Variants in DCC observed in about 807,000 individuals in gnomAD.
DCC encodes DCC netrin 1 receptor.
DCC carries 58 observed loss-of-function variants against 172.5 expected under a neutral mutation model. The ratio of observed to expected loss-of-function variants is 0.34; its 90% CI spans 0.27 to 0.42. DCC has a LOEUF of 0.42. Among genes scored for constraint, DCC ranks in the 10% least tolerant of loss-of-function variants. The pLI, the probability that DCC is intolerant of heterozygous loss-of-function variation, is 1.00. For missense variants in DCC, 1,740 were observed against 1,791.0 expected (o/e 0.97, Z 0.51); for synonymous variants, 709 against 644.5 (o/e 1.10, Z -1.52).
chr18:52,663,002 G>A (rs920351411), intron 1 of DCC, among the ~76,000 whole-genome samples: 21 of 152,072 alleles, frequency 1.4e-4, no homozygotes, highest in African/African-American at 4.8e-4. Context: ...ATGAATGTTA[G>A]GGGAAAACAA....
rs1395705398 is a variant in DCC at position 53,223,246 on chromosome 18, AATGTT to A, written c.1911+7652_1911+7656del. 3.3e-5 allele frequency among the ~76,000 whole-genome samples: 5 copies of A among 152,054 alleles called. 1 individual carries two copies. The highest frequency in any genetic ancestry group is 5.9e-5 in the Non-Finnish European group (4 of 68,006). The stretch of plus-strand genomic sequence containing the variant: ...CATCATTTTTCTGTTGTGTTTTGAG[AATGTT>A]ATATTTTTGTCTTTTCCAATTTATT... On this transcript the variant is annotated intron_variant, in intron 12 of 28. Transcript: ENST00000442544.
At chr18:53,018,592 T>A (rs944403642) in intron 5 of DCC, among the ~76,000 whole-genome samples, 1 of 152,198 alleles carries the variant, frequency 6.6e-6, no homozygotes, top group African/African-American at 2.4e-5. Flanking sequence ...TATCAAAGCA[T>A]GCAATTCATT....
intron 3 of DCC, among the ~76,000 whole-genome samples, chr18:52,913,819 A>AGGG (rs1332350726): frequency 1.3e-5 from 2 of 152,048 alleles, no homozygotes; most frequent in Admixed American, 6.6e-5. Context: ...AACCTCCCTG[A>AGGG]GGGTGTGTAG....
intron 12 of DCC, among the ~76,000 whole-genome samples, chr18:53,291,253 A>G (rs1011693372): frequency 6.6e-6 from 1 of 152,200 alleles, no homozygotes; most frequent in African/African-American, 2.4e-5. Flanking sequence ...TATACAGCCT[A>G]TAAACTAATA....
intron 1 of DCC, among the ~76,000 whole-genome samples, chr18:52,652,502 G>A (rs1256802372): frequency 6.6e-6 from 1 of 152,012 alleles, no homozygotes; most frequent in Non-Finnish European, 1.5e-5. Flanking sequence ...TTTAAGACAA[G>A]GTCACAGAAA....
intron 21 of DCC, among the ~76,000 whole-genome samples, chr18:53,424,014 G>A (rs769384357): frequency 7.2e-5 from 11 of 152,100 alleles, no homozygotes; most frequent in Admixed American, 2.0e-4. Context: ...GAGAAGTTAT[G>A]CATATATTTC....
At chr18:53,215,637 G>T (rs2055834563) in intron 12 of DCC, 40 bp downstream of exon 12, 1 of 1,522,916 alleles carries the variant, frequency 6.6e-7, no homozygotes, top group African/African-American at 1.4e-5. Context: ...TACCTATCAA[G>T]ATTACCTATC....
chr18:53,121,743 A>C (rs1349783949), intron 7 of DCC, among the ~76,000 whole-genome samples: 1 of 151,900 alleles, frequency 6.6e-6, no homozygotes, highest in African/African-American at 2.4e-5. Flanking sequence ...TATTTTTTTA[A>C]ATATTAATAA....
intron 2 of DCC, among the ~76,000 whole-genome samples, chr18:52,796,448 TATCC>T: frequency 6.6e-6 from 1 of 152,166 alleles, no homozygotes; most frequent in Non-Finnish European, 1.5e-5. Flanking sequence ...TGGTAGATAT[TATCC>T]TTTCACTTCT....
At chr18:52,876,139 C>T (rs1176096675) in intron 2 of DCC, among the ~76,000 whole-genome samples, 1 of 151,944 alleles carries the variant, frequency 6.6e-6, no homozygotes, top group African/African-American at 2.4e-5. Flanking sequence ...GATTTGTAAG[C>T]CAACAAGGAA....
At chr18:53,219,653 C>T (rs751135030) in intron 12 of DCC, among the ~76,000 whole-genome samples, 48 of 152,242 alleles carry the variant, frequency 3.2e-4, no homozygotes, top group Non-Finnish European at 5.3e-4. Context: ...CAGTCACTCA[C>T]AATCTGATAT....
intron 1 of DCC, 116 bp from the exon 2 acceptor site, chr18:52,751,938 G>T: frequency 4.8e-6 from 4 of 838,030 alleles, no homozygotes; most frequent in East Asian, 2.7e-5. Context: ...TTTATTCTTG[G>T]ACATTGTTCA....
At chr18:52,876,671 T>C (rs2039407501) in intron 2 of DCC, among the ~76,000 whole-genome samples, 2 of 152,202 alleles carry the variant, frequency 1.3e-5, no homozygotes, top group African/African-American at 4.8e-5. Context: ...GAAATGTACT[T>C]ATGAAGCCCA....
chr18:52,835,616 A>G (rs2038691005), intron 2 of DCC, among the ~76,000 whole-genome samples: 1 of 152,256 alleles, frequency 6.6e-6, no homozygotes, highest in African/African-American at 2.4e-5. Flanking sequence ...TCTTCACTTT[A>G]GCAAATTGAA....
intron 1 of DCC, among the ~76,000 whole-genome samples, chr18:52,353,916 C>A (rs369092585): frequency 1.4e-4 from 22 of 152,270 alleles, no homozygotes; most frequent in African/African-American, 5.1e-4. Context: ...TCTCTCCCTG[C>A]CTAGAGTAAA....
chr18:52,942,722 G>A (rs1046625903), intron 5 of DCC, among the ~76,000 whole-genome samples: 3 of 152,068 alleles, frequency 2.0e-5, no homozygotes, highest in Admixed American at 6.6e-5. Flanking sequence ...ATTATCTCCC[G>A]CCAGGTCCCT....
At chr18:53,380,203 T>C (rs1162829741) in intron 15 of DCC, among the ~76,000 whole-genome samples, 3 of 152,170 alleles carry the variant, frequency 2.0e-5, no homozygotes, top group Admixed American at 6.5e-5. Flanking sequence ...TCTTTTGTGA[T>C]TTACTGGTTT....
At chr18:52,651,670 A>T (rs1174281036) in intron 1 of DCC, among the ~76,000 whole-genome samples, 3 of 152,136 alleles carry the variant, frequency 2.0e-5, no homozygotes, top group African/African-American at 7.2e-5. Context: ...CAAAGTGAGT[A>T]TATTTTTAAA....
At chr18:52,469,929 A>T (rs181104494) in intron 1 of DCC, among the ~76,000 whole-genome samples, 1 of 152,342 alleles carries the variant, frequency 6.6e-6, no homozygotes, top group Admixed American at 6.5e-5. Context: ...TGGAAGTGGC[A>T]TACATCACAT....
Sources: gnomAD v4.1 joint callset for allele counts (sites outside exome capture counted in the v4.1 genomes callset) on GRCh38, gnomAD v4.1.1 for gene constraint, MANE v1.5 for transcripts, NCBI Gene and HGNC (gene_info 2026-07-23, HGNC 2026-07-21) for gene names.